The following SAMMSON variants were observed in gnomAD, a reference collection of about 807,000 sequenced individuals.
The protein encoded by SAMMSON is survival associated mitochondrial melanoma specific oncogenic non-coding RNA.
intron 4 of SAMMSON, among the ~76,000 whole-genome samples, chr3:70,092,507 C>G (rs2067308527): frequency 6.6e-6 from 1 of 150,932 alleles, no homozygotes; most frequent in African/African-American, 2.4e-5. Context: ...AATCATATGA[C>G]ATGATCATCT....
At chr3:70,177,942 A>C (rs949075524) in intron 4 of SAMMSON, among the ~76,000 whole-genome samples, 3 of 152,200 alleles carry the variant, frequency 2.0e-5, no homozygotes, top group African/African-American at 7.2e-5. Flanking sequence ...TATGTCTGCA[A>C]AATATACAGT....
intron 4 of SAMMSON, chr3:70,126,517 C>A: frequency 3.3e-6 from 2 of 614,902 alleles, no homozygotes; most frequent in Non-Finnish European, 6.0e-6. Context: ...CTGGCAGGTG[C>A]CTCACCAGAA....
intron 4 of SAMMSON, among the ~76,000 whole-genome samples, chr3:70,204,253 C>T (rs2106722307): frequency 6.6e-6 from 1 of 152,262 alleles, no homozygotes; most frequent in East Asian, 1.9e-4. Context: ...CTTCTGTTTT[C>T]CCTGCTGTTC....
intron 4 of SAMMSON, among the ~76,000 whole-genome samples, chr3:70,239,232 A>G (rs1701641810): frequency 6.6e-6 from 1 of 152,196 alleles, no homozygotes; most frequent in Non-Finnish European, 1.5e-5. Flanking sequence ...ATTTACCTGT[A>G]TCTTGTAGAT....
At chr3:70,290,689 C>T (rs1317791025) in intron 6 of SAMMSON, among the ~76,000 whole-genome samples, 2 of 152,288 alleles carry the variant, frequency 1.3e-5, no homozygotes, top group East Asian at 1.9e-4. Flanking sequence ...TGATCTCAGA[C>T]TGCTGTGCTA....
intron 7 of SAMMSON, among the ~76,000 whole-genome samples, chr3:70,325,607 T>C (rs1348255757): frequency 6.6e-6 from 1 of 152,146 alleles, no homozygotes; most frequent in Non-Finnish European, 1.5e-5. Flanking sequence ...TCCTTTGCCA[T>C]TTGCTCATTT....
At chr3:70,045,009 TA>T (rs1334240530) in intron 3 of SAMMSON, among the ~76,000 whole-genome samples, 38 of 126,766 alleles carry the variant, frequency 3.0e-4, no homozygotes, top group African/African-American at 1.2e-3. Context: ...ATTAATTATA[TA>T]TATATAATTA....
At chr3:70,168,585 C>T (rs569723823) in intron 4 of SAMMSON, among the ~76,000 whole-genome samples, 7 of 151,904 alleles carry the variant, frequency 4.6e-5, no homozygotes, top group Non-Finnish European at 7.4e-5. Context: ...AGAACACAAA[C>T]GATTGAGATC....
intron 9 of SAMMSON, among the ~76,000 whole-genome samples, chr3:70,371,532 T>C (rs989201919): frequency 6.6e-6 from 1 of 152,094 alleles, no homozygotes; most frequent in Non-Finnish European, 1.5e-5. Flanking sequence ...TTTTGTTGTT[T>C]TTGTTTTGTA....
intron 4 of SAMMSON, among the ~76,000 whole-genome samples, chr3:70,244,294 C>G (rs1701685924): frequency 2.6e-5 from 4 of 152,186 alleles, no homozygotes; most frequent in Admixed American, 2.6e-4. Context: ...TGAAATGCTG[C>G]CGACCACTGC....
intron 7 of SAMMSON, among the ~76,000 whole-genome samples, chr3:70,341,093 ATTG>A (rs773676028): frequency 8.5e-5 from 13 of 152,140 alleles, no homozygotes; most frequent in Non-Finnish European, 1.5e-4. Context: ...CATCATGTTT[ATTG>A]TTGTTACTAT....
rs571102188 is a variant in SAMMSON, at chr3:70,020,348, C to T, written n.417+6676C>T. 1.4e-4 allele frequency among the ~76,000 whole-genome samples: 22 copies of T among 152,164 alleles called. No individual in the cohort carries two copies. In the South Asian group the frequency reaches 3.1e-3, roughly 22 times the overall value. Reference sequence around the variant, plus strand: ...AACATGGGTCTTCAGGCACCCTAGACGAAAGAGTACAATTTTTGACCTCTC... The same window carrying T: ...AACATGGGTCTTCAGGCACCCTAGATGAAAGAGTACAATTTTTGACCTCTC... On this transcript the variant is annotated intron_variant and non_coding_transcript_variant, in intron 3 of 9. Coordinates refer to ENST00000642114, the Ensembl canonical transcript of SAMMSON.
intron 4 of SAMMSON, among the ~76,000 whole-genome samples, chr3:70,240,440 A>G (rs1434393535): frequency 6.6e-6 from 1 of 151,992 alleles, no homozygotes; most frequent in African/African-American, 2.4e-5. Flanking sequence ...AAGAACATAT[A>G]TTTTTGACAC....
intron 2 of SAMMSON, among the ~76,000 whole-genome samples, chr3:70,420,934 T>C (rs776524858): frequency 2.7e-4 from 28 of 102,676 alleles, no homozygotes; most frequent in Non-Finnish European, 5.5e-4. Flanking sequence ...GATAACAGTT[T>C]TGCTTTATTT....
intron 4 of SAMMSON, among the ~76,000 whole-genome samples, chr3:70,226,381 C>T (rs1476632497): frequency 6.6e-6 from 1 of 152,116 alleles, no homozygotes; most frequent in Non-Finnish European, 1.5e-5. Flanking sequence ...CAGGAATTTC[C>T]TATTCTGTTG....
intron 4 of SAMMSON, among the ~76,000 whole-genome samples, chr3:70,195,052 A>G (rs1701162561): frequency 1.3e-5 from 2 of 152,194 alleles, no homozygotes; most frequent in South Asian, 2.1e-4. Context: ...TGGGTAGTGC[A>G]GGTAGTCAGA....
intron 4 of SAMMSON, among the ~76,000 whole-genome samples, chr3:70,171,132 T>C (rs1055395798): frequency 3.9e-5 from 6 of 151,906 alleles, no homozygotes; most frequent in African/African-American, 1.4e-4. Context: ...GAAAACACTC[T>C]TAAAAAAACA....
intron 9 of SAMMSON, among the ~76,000 whole-genome samples, chr3:70,385,140 A>T (rs1665654982): frequency 6.6e-6 from 1 of 152,084 alleles, no homozygotes; most frequent in Admixed American, 6.6e-5. Flanking sequence ...TAGAAGAAAA[A>T]GCACGGTGTT....
intron 6 of SAMMSON, among the ~76,000 whole-genome samples, chr3:70,274,365 T>C (rs563103238): frequency 6.6e-6 from 1 of 151,684 alleles, no homozygotes; most frequent in East Asian, 1.9e-4. Context: ...AACTTAATTC[T>C]CTTGAAATAT....
Sources: allele counts gnomAD v4.1 joint callset (sites outside exome capture counted in the v4.1 genomes callset), GRCh38; gene constraint gnomAD v4.1.1; transcripts MANE v1.5; gene names NCBI Gene and HGNC (gene_info 2026-07-23, HGNC 2026-07-21).